Variants in SLC25A21 observed in about 807,000 individuals in gnomAD.
The protein encoded by SLC25A21 is solute carrier family 25 member 21.
In SLC25A21, 47 loss-of-function variants were observed where a neutral mutation model predicts 43.8. That is an observed-to-expected ratio of 1.07 (90% CI 0.85 to 1.37). The LOEUF (loss-of-function observed/expected upper bound fraction) is 1.37, where lower values mean the gene tolerates loss of function less well. Ranked by LOEUF, SLC25A21 falls within the 40% of genes most tolerant of loss-of-function variation. The probability of loss-of-function intolerance (pLI) is 0.00; values close to 1 mark genes in which losing one functional copy is unlikely to be tolerated. For synonymous variants in SLC25A21, 131 were observed against 121.3 expected (o/e 1.08, Z -0.52); for missense variants, 352 against 350.2 (o/e 1.00, Z -0.04).
Position 37,172,495 on chromosome 14 carries a change from G to C in SLC25A21, c.-145C>G. ...TGGAGCAGCAATCCGGCGACTGCTG[G>C]AAAGCGAGGGTTCGAGGCGCAGATT... On this transcript the variant is annotated 5_prime_UTR_variant, in exon 1 of 10. Transcript: ENST00000331299. The C allele has an allele frequency of 1.2e-6, 1 of 856,376 alleles. No homozygotes were observed. The highest frequency in any genetic ancestry group is 1.9e-6 in the Non-Finnish European group (1 of 514,672). 53.0% of individuals were successfully genotyped at this position (856,376 alleles called of 1,614,324 possible).
At chr14:36,993,182 T>C (rs972887093) in intron 1 of SLC25A21, among the ~76,000 whole-genome samples, 4 of 152,178 alleles carry the variant, frequency 2.6e-5, no homozygotes, top group Non-Finnish European at 4.4e-5. Context: ...AGAATCATAT[T>C]ACTGCAAGCT....
At chr14:37,152,083 G>A (rs979128326) in intron 1 of SLC25A21, among the ~76,000 whole-genome samples, 14 of 152,080 alleles carry the variant, frequency 9.2e-5, no homozygotes, top group Non-Finnish European at 1.9e-4. Flanking sequence ...AAGATGCTTT[G>A]CACATAGTAA....
chr14:37,070,175 T>C (rs562437145), intron 1 of SLC25A21, among the ~76,000 whole-genome samples: 1 of 152,290 alleles, frequency 6.6e-6, no homozygotes, highest in South Asian at 2.1e-4. Flanking sequence ...CTCTAATATA[T>C]ATCCTACCTA....
chr14:36,802,145 T>C lies in SLC25A21; in HGVS notation c.203+11773A>G, dbSNP rs559536405. ...ATGTTTAGAATCTTGGTCTTAATGA[T>C]ACCATGGGTGTCGTAAATTTTCTTA... On this transcript the variant is annotated intron_variant, in intron 3 of 9. Transcript: ENST00000331299. Among the ~76,000 whole-genome samples the C allele has an allele frequency of 6.6e-4, 101 of 152,348 alleles. 1 individual carries two copies. The highest frequency in any genetic ancestry group is 1.3e-3 in the Non-Finnish European group (86 of 68,034).
At chr14:36,818,488 A>C (rs1232333002) in intron 2 of SLC25A21, among the ~76,000 whole-genome samples, 2 of 152,202 alleles carry the variant, frequency 1.3e-5, no homozygotes, top group African/African-American at 4.8e-5. Context: ...GGTAACTGCT[A>C]ATGCCCCAGT....
intron 3 of SLC25A21, among the ~76,000 whole-genome samples, chr14:36,790,807 G>C (rs1330551690): frequency 1.3e-5 from 2 of 152,088 alleles, no homozygotes; most frequent in African/African-American, 4.8e-5. Context: ...CAGGAATTTG[G>C]GAAGGTTGGA....
At chr14:36,714,439 G>A (rs910726009) in intron 6 of SLC25A21, among the ~76,000 whole-genome samples, 4 of 152,126 alleles carry the variant, frequency 2.6e-5, no homozygotes, top group Admixed American at 6.5e-5. Context: ...CCTCACCCAG[G>A]AGCTTTCCTC....
intron 1 of SLC25A21, among the ~76,000 whole-genome samples, chr14:36,926,854 T>C (rs574546528): frequency 6.6e-6 from 1 of 152,250 alleles, no homozygotes; most frequent in South Asian, 2.1e-4. Flanking sequence ...TCTATAGTAA[T>C]TCTGTATCAC....
chr14:36,904,888 A>G (rs1891493675), intron 1 of SLC25A21, among the ~76,000 whole-genome samples: 3 of 152,186 alleles, frequency 2.0e-5, no homozygotes, highest in African/African-American at 4.8e-5. Flanking sequence ...GTGGGGACAC[A>G]GCCAAATCAT....
intron 4 of SLC25A21, among the ~76,000 whole-genome samples, chr14:36,730,959 T>A (rs1021108622): frequency 1.3e-5 from 2 of 149,124 alleles, no homozygotes; most frequent in Non-Finnish European, 3.0e-5. Flanking sequence ...GAAGGAAAAG[T>A]GTTATAATCT....
In SLC25A21 at chr14:36,678,290, A is replaced by C; in HGVS notation, c.*2368T>G. 1.7e-6 allele frequency: 1 copy of C among 574,632 alleles called. No homozygotes were observed. 35.6% of individuals were successfully genotyped at this position (574,632 alleles called of 1,614,324 possible). On this transcript the variant is annotated 3_prime_UTR_variant, in exon 10 of 10. Coordinates refer to ENST00000331299, the MANE Select transcript of SLC25A21 (RefSeq NM_030631.4). ...CTGACACACAAATTATGTTAGAGTG[A>C]CTGCTTTTTTCAGACAGCAGATATC... is the stretch of plus-strand genomic sequence containing the variant.
intron 3 of SLC25A21, among the ~76,000 whole-genome samples, chr14:36,746,169 A>G (rs960082100): frequency 2.6e-5 from 4 of 152,200 alleles, no homozygotes; most frequent in Non-Finnish European, 4.4e-5. Context: ...TTATTGCAAC[A>G]CTATTCCCAA....
intron 3 of SLC25A21, among the ~76,000 whole-genome samples, chr14:36,752,963 G>T (rs932786646): frequency 6.6e-6 from 1 of 152,100 alleles, no homozygotes; most frequent in East Asian, 1.9e-4. Context: ...CCCAGTCTTG[G>T]GTATGTCTTT....
chr14:37,005,210 A>T (rs764694264), intron 1 of SLC25A21, among the ~76,000 whole-genome samples: 2 of 152,138 alleles, frequency 1.3e-5, no homozygotes, highest in Non-Finnish European at 2.9e-5. Flanking sequence ...GCAAATGCAC[A>T]CACACACACA....
intron 1 of SLC25A21, among the ~76,000 whole-genome samples, chr14:37,124,958 A>T (rs1402803709): frequency 6.6e-6 from 1 of 152,202 alleles, no homozygotes; most frequent in East Asian, 1.9e-4. Flanking sequence ...CTTCCTGTAC[A>T]GCCTATTAAA....
At chr14:36,715,759 C>A (rs1243996209) in intron 6 of SLC25A21, among the ~76,000 whole-genome samples, 1 of 152,140 alleles carries the variant, frequency 6.6e-6, no homozygotes, top group East Asian at 1.9e-4. Flanking sequence ...GAAATGGAAT[C>A]AAATATCTGC....
At chr14:36,689,884 G>A (rs1193492284) in intron 7 of SLC25A21, among the ~76,000 whole-genome samples, 1 of 152,220 alleles carries the variant, frequency 6.6e-6, no homozygotes, top group African/African-American at 2.4e-5. Flanking sequence ...CCTTGGGCTG[G>A]ATAATTGATG....
Position 36,844,845 on chromosome 14 carries a change from C to A in SLC25A21, c.119+30111G>T, listed in dbSNP as rs556362219. Among the ~76,000 whole-genome samples, 5 of 152,276 alleles carry A rather than the reference C, an allele frequency of 3.3e-5. No homozygotes were observed. The South Asian group carries it at 8.3e-4, about 25-fold the overall frequency. On this transcript the variant is annotated intron_variant, in intron 2 of 9. Transcript: ENST00000331299. ...CATTTTTAATCATGAGCCTGAGAGA[C>A]TGGCCAAGGGCTAATAGTTTCCTTA...
chr14:36,967,459 T>C (rs920803100), intron 1 of SLC25A21, among the ~76,000 whole-genome samples: 4 of 152,296 alleles, frequency 2.6e-5, no homozygotes, highest in South Asian at 2.1e-4. Flanking sequence ...ATTAGAAGTA[T>C]GTATAGTCAT....
Sources: allele counts gnomAD v4.1 joint callset (sites outside exome capture counted in the v4.1 genomes callset), GRCh38; gene constraint gnomAD v4.1.1; transcripts MANE v1.5; gene names NCBI Gene and HGNC (gene_info 2026-07-23, HGNC 2026-07-21).